Variants in RHAG observed in about 807,000 individuals in gnomAD.
The protein encoded by RHAG is Rh associated glycoprotein.
Under a neutral mutation model 42.4 loss-of-function variants are expected in RHAG, and 25 were observed. The ratio of observed to expected loss-of-function variants is 0.59; its 90% CI spans 0.43 to 0.82. The LOEUF is 0.82. Ranked by LOEUF, RHAG falls within the 40% of genes least tolerant of loss-of-function variation. RHAG has a pLI of 0.00. For missense variants in RHAG, 483 were observed against 504.6 expected (o/e 0.96, Z 0.41); for synonymous variants, 182 against 177.7 (o/e 1.02, Z -0.19).
chr6:49,610,933 A>G, intron 7 of RHAG, 91 bp downstream of exon 7: 1 of 1,516,176 alleles, frequency 6.6e-7, no homozygotes, highest in Non-Finnish European at 9.1e-7. Context: ...AACCATGGCC[A>G]GAACAGCTAA....
At chr6:49,623,820 G>A (rs1762800911) in intron 1 of RHAG, among the ~76,000 whole-genome samples, 1 of 152,110 alleles carries the variant, frequency 6.6e-6, no homozygotes, top group Non-Finnish European at 1.5e-5. Flanking sequence ...CATAGTAAGC[G>A]GTGTAAAACT....
chr6:49,634,477 G>T (rs72873836), intron 1 of RHAG, among the ~76,000 whole-genome samples: 5,471 of 152,166 alleles, frequency 0.036, 158 homozygotes, highest in Non-Finnish European at 0.057. Flanking sequence ...CAAAGAAAAT[G>T]AAATCAGTAT....
chr6:49,605,436 T>G lies in RHAG; in HGVS notation c.*377A>C, dbSNP rs1774143834. ...CACATCTATTCTTGCTTCATGGGTT[T>G]CAGTTTTATAATTTTTGGGATTGAA... is the stretch of plus-strand genomic sequence containing the variant. On this transcript the variant is annotated 3_prime_UTR_variant, in exon 10 of 10. Transcript: ENST00000371175. The G allele has an allele frequency of 3.7e-6, 1 of 272,700 alleles. No individual in the cohort carries two copies. The highest frequency in any genetic ancestry group is 7.8e-5 in the East Asian group (1 of 12,808). 16.9% of individuals were successfully genotyped at this position (272,700 alleles called of 1,614,324 possible). A position where few individuals can be genotyped will look rare whatever the true frequency, so the allele number is the denominator to read the frequency against.
Position 49,624,601 on chromosome 6 carries a change from G to A in RHAG, c.158-5239C>T, listed in dbSNP as rs558352335. Among the ~76,000 whole-genome samples the A allele has an allele frequency of 3.3e-5, 5 of 152,326 alleles. No individual in the cohort carries two copies. The South Asian group carries it at 1.0e-3, about 32-fold the overall frequency. ...ATTCCATTCTAATTGTTTACTAGCTGTGTGTCTTTGGATAACCAGTGATTT... is the reference window on the plus strand; with the variant it reads ...ATTCCATTCTAATTGTTTACTAGCTATGTGTCTTTGGATAACCAGTGATTT... On this transcript the variant is annotated intron_variant, in intron 1 of 9. Coordinates refer to ENST00000371175, the MANE Select transcript of RHAG (RefSeq NM_000324.3).
intron 1 of RHAG, among the ~76,000 whole-genome samples, chr6:49,631,061 C>G (rs1318461945): frequency 6.6e-6 from 1 of 152,086 alleles, no homozygotes; most frequent in Non-Finnish European, 1.5e-5. Context: ...ATATTGTTGG[C>G]AAGAATATTA....
At chr6:49,617,176 T>C (rs1762670423) in intron 3 of RHAG, among the ~76,000 whole-genome samples, 1 of 152,230 alleles carries the variant, frequency 6.6e-6, no homozygotes, top group African/African-American at 2.4e-5. Flanking sequence ...AGACTGGTTG[T>C]TGTTACCTTG....
intron 6 of RHAG, 131 bp from the exon 7 acceptor site, chr6:49,611,276 T>A (rs911039024): frequency 5.7e-6 from 4 of 707,870 alleles, no homozygotes; most frequent in Non-Finnish European, 9.4e-6. Flanking sequence ...TTATGTATAT[T>A]TAAGGTATAC....
In RHAG at chr6:49,636,644, T is replaced by C. The variant is rs370883278; in HGVS notation, c.157+12A>G. On this transcript the variant is annotated intron_variant, in intron 1 of 9. Coordinates refer to ENST00000371175, the MANE Select transcript of RHAG (RefSeq NM_000324.3). ...CGAAAAATGTATAGTAAGTAGTAAA[T>C]TGCCTACTCACGAGGATATAACTCA... The C allele has an allele frequency of 1.9e-6, 3 of 1,613,740 alleles. No individual in the cohort carries two copies. The highest frequency in any genetic ancestry group is 1.7e-6 in the Non-Finnish European group (2 of 1,179,632).
At chr6:49,627,337 G>T (rs1177299303) in intron 1 of RHAG, among the ~76,000 whole-genome samples, 1 of 152,196 alleles carries the variant, frequency 6.6e-6, no homozygotes, top group African/African-American at 2.4e-5. Flanking sequence ...ATCTTCAGGG[G>T]AGGGGCAAAA....
intron 8 of RHAG, 38 bp downstream of exon 8, chr6:49,607,112 G>T: frequency 2.0e-6 from 3 of 1,526,102 alleles, no homozygotes; most frequent in Non-Finnish European, 2.7e-6. Context: ...TAATCTGAGA[G>T]CATAAGATAC....
chr6:49,620,309 C>T (rs546771854), intron 1 of RHAG, among the ~76,000 whole-genome samples: 3 of 152,100 alleles, frequency 2.0e-5, no homozygotes, highest in South Asian at 4.2e-4. Flanking sequence ...AAGTATTATG[C>T]CAATAAAACA....
At chr6:49,611,798 A>G (rs947130033) in intron 6 of RHAG, among the ~76,000 whole-genome samples, 7 of 151,174 alleles carry the variant, frequency 4.6e-5, no homozygotes, top group African/African-American at 1.7e-4. Context: ...CTGGAGGGTA[A>G]TGGTGCCATC....
At position 49,612,742 on chromosome 6, in the gene RHAG, T is replaced by C. The variant is rs114456906; in HGVS notation, c.808-208A>G. Among the ~76,000 whole-genome samples, 1,216 of 152,322 alleles carry C rather than the reference T, an allele frequency of 8.0e-3. 17 individuals carry two copies. The highest frequency in any genetic ancestry group is 0.027 in the African/African-American group (1,138 of 41,576). ...GGTATCTTTCTTGCCGGTCCCTTGG[T>C]AGTGAATGAGTAATCAGCTTAACTC... On this transcript the variant is annotated intron_variant, in intron 5 of 9. Coordinates refer to ENST00000371175, the MANE Select transcript of RHAG (RefSeq NM_000324.3).
In RHAG at chr6:49,619,405, T is replaced by A. The variant is rs752230318; in HGVS notation, c.158-43A>T. The stretch of plus-strand genomic sequence containing the variant: ...AAAAAATATCTGCATTATGAGAGCA[T>A]GAAGAAAGTACTGCATCATAGTATA... On this transcript the variant is annotated intron_variant, in intron 1 of 9. Transcript: ENST00000371175. The A allele has an allele frequency of 3.2e-6, 5 of 1,555,444 alleles. No homozygotes were observed. In the South Asian group the frequency reaches 5.7e-5, roughly 18 times the overall value.
Position 49,612,470 on chromosome 6 carries a change from A to G in RHAG, c.872T>C (p.Ile291Thr), listed in dbSNP as rs1438452217. 5 of 1,614,108 alleles carry G rather than the reference A, an allele frequency of 3.1e-6. No individual in the cohort carries two copies. Among genetic ancestry groups the G allele is most frequent in the Non-Finnish European group, 2.5e-6 (3 of 1,179,960 alleles). ...VAVGTCADMA[I>T]HPFGSMIIGS... ...AATAATCATAGAACCAAATGGGTGA[A>G]TTGCCATATCCGCACAAGTGCCCAC... The change falls in exon 6 of 10, where the codon ATT (isoleucine) becomes ACT (threonine). Residue 291 changes from isoleucine to threonine, a missense_variant. Transcript: ENST00000371175.
rs139011894 is a variant in RHAG at position 49,633,716 on chromosome 6, C to T, written c.157+2940G>A. 2.6e-3 allele frequency among the ~76,000 whole-genome samples: 396 copies of T among 152,224 alleles called. 2 individuals carry two copies. Among genetic ancestry groups the T allele is most frequent in the Middle Eastern group, 0.02 (6 of 294 alleles). Reference sequence around the variant, plus strand: ...ATAGGAGACAAGTTAATTAATTGCACGCAATGGATGCCTTGAGTCATTAGG... The same window carrying T: ...ATAGGAGACAAGTTAATTAATTGCATGCAATGGATGCCTTGAGTCATTAGG... On this transcript the variant is annotated intron_variant, in intron 1 of 9. Coordinates refer to ENST00000371175, the MANE Select transcript of RHAG (RefSeq NM_000324.3).
In RHAG at chr6:49,605,632, C is replaced by T; in HGVS notation, c.*181G>A. On this transcript the variant is annotated 3_prime_UTR_variant, in exon 10 of 10. Transcript: ENST00000371175. ...AGCATCAGACATAAGGACATTTTTACACTGGCCATTTGGGACTTAGGATCT... is the reference window on the plus strand; with the variant it reads ...AGCATCAGACATAAGGACATTTTTATACTGGCCATTTGGGACTTAGGATCT... The T allele has an allele frequency of 1.4e-6, 1 of 704,944 alleles. No individual in the cohort carries two copies. The highest frequency in any genetic ancestry group is 2.0e-5 in the Admixed American group (1 of 49,748). 43.7% of individuals were successfully genotyped at this position (704,944 alleles called of 1,614,324 possible).
chr6:49,614,331 G>T (rs970796991), intron 5 of RHAG, among the ~76,000 whole-genome samples: 1 of 151,178 alleles, frequency 6.6e-6, no homozygotes, highest in Non-Finnish European at 1.5e-5. Context: ...TAGCTGGGAT[G>T]ACAGGTGTCT....
Position 49,612,465 on chromosome 6 carries a change from G to T in RHAG, c.877C>A (p.Pro293Thr). The T allele has an allele frequency of 1.9e-6, 3 of 1,614,004 alleles. No individual in the cohort carries two copies. The highest frequency in any genetic ancestry group is 2.5e-6 in the Non-Finnish European group (3 of 1,179,910). The change falls in exon 6 of 10, where the codon CCA becomes ACA. Residue 293 changes from proline to threonine, a missense_variant. By Grantham distance (38) the Pro-to-Thr change is conservative (BLOSUM62 -1). Coordinates refer to ENST00000371175, the MANE Select transcript of RHAG (RefSeq NM_000324.3). ...CTCCCAATAATCATAGAACCAAATGGGTGAATTGCCATATCCGCACAAGTG... is the reference window on the plus strand; with the variant it reads ...CTCCCAATAATCATAGAACCAAATGTGTGAATTGCCATATCCGCACAAGTG... ...VGTCADMAIHPFGSMIIGSIA... is the reference protein window; with the variant it reads ...VGTCADMAIHTFGSMIIGSIA...
Sources: allele counts gnomAD v4.1 joint callset (sites outside exome capture counted in the v4.1 genomes callset), GRCh38; gene constraint gnomAD v4.1.1; transcripts MANE v1.5; gene names NCBI Gene and HGNC (gene_info 2026-07-23, HGNC 2026-07-21).